Variants in LAIR1 observed in about 807,000 individuals in gnomAD.
LAIR1 encodes leukocyte associated immunoglobulin like receptor 1.
Under a neutral mutation model 32.8 loss-of-function variants are expected in LAIR1, and 24 were observed. The observed-to-expected ratio is 0.73, with a 90% confidence interval of 0.53 to 1.03. The LOEUF is 1.03. Ranked by LOEUF, LAIR1 falls within the 50% of genes least tolerant of loss-of-function variation. LAIR1 has a pLI of 0.00. For missense variants in LAIR1, 355 were observed against 347.5 expected (o/e 1.02, Z -0.17); for synonymous variants, 150 against 140.5 (o/e 1.07, Z -0.48).
chr19:54,365,175 C>G, upstream of LAIR1: 3 of 620,564 alleles, frequency 4.8e-6, no homozygotes, highest in Non-Finnish European at 4.3e-6. Flanking sequence ...ACGGTCGCAG[C>G]TCTTGGGCAA....
chr19:54,373,081 G>A (rs190569229), upstream of LAIR1, among the ~76,000 whole-genome samples: 17 of 150,820 alleles, frequency 1.1e-4, no homozygotes, highest in African/African-American at 2.5e-4. Flanking sequence ...GCAGTGAGCC[G>A]AAATCGCACC....
upstream of LAIR1, among the ~76,000 whole-genome samples, chr19:54,372,178 T>C (rs865780001): frequency 6.6e-6 from 1 of 151,636 alleles, no homozygotes; most frequent in East Asian, 1.9e-4. Flanking sequence ...GGCAAAGCTA[T>C]ATTTAGTTTT....
chr19:54,360,478 C>A (rs150392517), intron 3 of LAIR1, among the ~76,000 whole-genome samples: 1 of 152,082 alleles, frequency 6.6e-6, no homozygotes, highest in Non-Finnish European at 1.5e-5. Flanking sequence ...CTGGACCCTG[C>A]GTTCTGCCCA....
At chr19:54,361,718 G>A in intron 2 of LAIR1, among the ~76,000 whole-genome samples, 1 of 148,080 alleles carries the variant, frequency 6.8e-6, no homozygotes. Context: ...GGTGGGGTGA[G>A]GGTGAAGCCC....
chr19:54,358,396 TAATA>T (rs1311467314), intron 4 of LAIR1: 14 of 113,880 alleles, frequency 1.2e-4, no homozygotes, highest in Non-Finnish European at 1.8e-4. Flanking sequence ...AATATATATA[TAATA>T]TATATATATA....
Position 54,355,387 on chromosome 19 carries a change from C to A in LAIR1, c.745G>T (p.Val249Leu), listed in dbSNP as rs1335401054. 4 of 1,610,566 alleles carry A rather than the reference C, an allele frequency of 2.5e-6. No individual in the cohort carries two copies. The highest frequency in any genetic ancestry group is 2.5e-6 in the Non-Finnish European group (3 of 1,178,276). ...SALAAGSSQE[V>L]TYAQLDHWAL... is the part of the protein sequence containing the mutation. ...CAGTGGTCCAGCTGAGCATACGTCA[C>A]CTCCTGGGAACTCCCTGCAGCCAGG... The change falls in exon 10 of 10, where the codon GTG becomes TTG. Residue 249 changes from valine to leucine, a missense_variant. Val to Leu is a conservative substitution (Grantham distance 32). Transcript: ENST00000391742. The surrounding 1 kb of genome is among the most constrained non-coding windows in gnomAD (Gnocchi z 4.7).
chr19:54,360,686 A>C (rs2122482025), intron 3 of LAIR1: 1 of 565,498 alleles, frequency 1.8e-6, no homozygotes, highest in South Asian at 2.4e-5. Flanking sequence ...GCTGGAGCTG[A>C]GTGTCCACGC....
At chr19:54,359,338 G>A (rs2081892175) in intron 4 of LAIR1, among the ~76,000 whole-genome samples, 1 of 151,586 alleles carries the variant, frequency 6.6e-6, no homozygotes, top group Non-Finnish European at 1.5e-5. Flanking sequence ...CAGGGACTTG[G>A]GGCAGCTTCA....
chr19:54,368,260 A>C (rs2082316912), upstream of LAIR1: 1 of 152,196 alleles, frequency 6.6e-6, no homozygotes, highest in African/African-American at 2.4e-5. Flanking sequence ...GTGCAGGGGT[A>C]CAGATTCCAA....
chr19:54,364,343 C>G lies in LAIR1; in HGVS notation c.35-13G>C. ...GCCAGGCAGAGCACTGGAAGAGAAG[C>G]CCCAGTGAGAAAAATGCCCAGTGCC... On this transcript the variant is annotated splice_polypyrimidine_tract_variant and intron_variant, in intron 1 of 9. Coordinates refer to ENST00000391742, the MANE Select transcript of LAIR1 (RefSeq NM_002287.6). The surrounding 1 kb of genome is among the most constrained non-coding windows in gnomAD (Gnocchi z 4.8). 6.2e-7 allele frequency: 1 copy of G among 1,613,814 alleles called. No homozygotes were observed. The highest frequency in any genetic ancestry group is 8.5e-7 in the Non-Finnish European group (1 of 1,179,840).
chr19:54,357,708 A>C (rs550853313), intron 4 of LAIR1: 1 of 152,320 alleles, frequency 6.6e-6, no homozygotes, highest in East Asian at 1.9e-4. Flanking sequence ...CCCCAAACCC[A>C]GGGTCCGAGC....
rs548995981 is a variant in LAIR1 at position 54,363,382 on chromosome 19, A to G, written c.70+913T>C. ...TGTGACTGTCATGTTCCCCGCCAAGAAGCTGCCGAGTGAAGTGTGGGCTCG... is the reference window on the plus strand; with the variant it reads ...TGTGACTGTCATGTTCCCCGCCAAGGAGCTGCCGAGTGAAGTGTGGGCTCG... On this transcript the variant is annotated intron_variant, in intron 2 of 9. Coordinates refer to ENST00000391742, the MANE Select transcript of LAIR1 (RefSeq NM_002287.6). 1.1e-4 allele frequency among the ~76,000 whole-genome samples: 16 copies of G among 152,050 alleles called. No homozygotes were observed. In the South Asian group the frequency reaches 2.5e-3, roughly 24 times the overall value.
chr19:54,361,747 C>A (rs988771037), intron 2 of LAIR1, among the ~76,000 whole-genome samples: 84 of 151,004 alleles, frequency 5.6e-4, no homozygotes, highest in African/African-American at 1.9e-3. Flanking sequence ...GATCTGCTCA[C>A]AGCAGATGCC....
At chr19:54,375,090 C>T (rs1387908737), upstream of LAIR1, among the ~76,000 whole-genome samples, 1 of 152,234 alleles carries the variant, frequency 6.6e-6, no homozygotes, top group Non-Finnish European at 1.5e-5. Context: ...CACTCGATGA[C>T]GTCTGTAAGC....
rs2081628011 is a variant in LAIR1 at position 54,354,896 on chromosome 19, T to G, written c.*372A>C. On this transcript the variant is annotated 3_prime_UTR_variant, in exon 10 of 10. Transcript: ENST00000391742. ...ACAAGCTTGGAGGTGGCATCACTGC[T>G]CAGGAAATCGGCTGATTGGCTGTAG... 1 of 195,738 alleles carries G rather than the reference T, an allele frequency of 5.1e-6. No homozygotes were observed. Among genetic ancestry groups the G allele is most frequent in the Non-Finnish European group, 1.0e-5 (1 of 97,214 alleles). The allele number at this position is 195,738 out of a possible 1,614,324, so 12.1% of individuals were successfully genotyped here. A position where few individuals can be genotyped will look rare whatever the true frequency, so the allele number is the denominator to read the frequency against.
chr19:54,374,287 C>T (rs190818419), upstream of LAIR1, among the ~76,000 whole-genome samples: 151,643 of 152,272 alleles, frequency 1, 75,508 homozygotes, highest in South Asian at 1. Flanking sequence ...TAAAGAGAAA[C>T]ATTGTCATAT....
upstream of LAIR1, among the ~76,000 whole-genome samples, chr19:54,372,306 CTG>C (rs1306108650): frequency 0.076 from 11,525 of 151,104 alleles, 1,817 homozygotes; most frequent in African/African-American, 0.27. Context: ...GTGGTATTGT[CTG>C]CGTTTTAGAA....
upstream of LAIR1, among the ~76,000 whole-genome samples, chr19:54,366,734 C>T (rs1321952435): frequency 2.0e-5 from 3 of 152,216 alleles, no homozygotes; most frequent in East Asian, 1.9e-4. Context: ...GTGATCCACC[C>T]GCCTCGGCCT....
upstream of LAIR1, among the ~76,000 whole-genome samples, chr19:54,366,638 A>G (rs7250683): frequency 0.16 from 24,332 of 151,878 alleles, 2,917 homozygotes; most frequent in African/African-American, 0.32. Flanking sequence ...ACAGGCACCC[A>G]CCACCACGCC....
Sources: gnomAD v4.1 joint callset for allele counts (sites outside exome capture counted in the v4.1 genomes callset) on GRCh38, gnomAD v4.1.1 for gene constraint, Gnocchi (gnomAD v3.1) non-coding constraint, MANE v1.5 for transcripts, NCBI Gene and HGNC (gene_info 2026-07-23, HGNC 2026-07-21) for gene names.